Variants in ADGRV1 observed in about 807,000 individuals in gnomAD.
ADGRV1 encodes adhesion G protein-coupled receptor V1.
In ADGRV1, 359 loss-of-function variants were observed where a neutral mutation model predicts 596.2. The ratio of observed to expected loss-of-function variants is 0.60; its 90% confidence interval spans 0.55 to 0.66. ADGRV1 has a LOEUF of 0.66. Ranked by LOEUF, ADGRV1 falls within the 30% of genes least tolerant of loss-of-function variation. The pLI, the probability that ADGRV1 is intolerant of heterozygous loss-of-function variation, is 0.00. For missense variants in ADGRV1, 7,274 were observed against 7,575.6 expected (o/e 0.96, Z 1.48); for synonymous variants, 2,681 against 2,679.2 (o/e 1.00, Z -0.02).
At chr5:90,681,830 G>A (rs150070139) in intron 27 of ADGRV1, among the ~76,000 whole-genome samples, 5 of 54,862 alleles carry the variant, frequency 9.1e-5, no homozygotes, top group East Asian at 9.3e-4. Context: ...CCCTCACTCC[G>A]TCCCTCCCTC....
In ADGRV1 at chr5:90,778,853, C is replaced by A. The variant is rs367553508; in HGVS notation, c.12850-12C>A. The A allele has an allele frequency of 6.3e-7, 1 of 1,589,598 alleles. No homozygotes were observed. On this transcript the variant is annotated splice_polypyrimidine_tract_variant and intron_variant, in intron 63 of 89. Coordinates refer to ENST00000405460, the MANE Select transcript of ADGRV1 (RefSeq NM_032119.4). ...AACATCCAAATCAAATAAGAAAATGCATTTTGCATAGGTTAACATCACAAT... is the reference window on the plus strand; with the variant it reads ...AACATCCAAATCAAATAAGAAAATGAATTTTGCATAGGTTAACATCACAAT...
intron 1 of ADGRV1, among the ~76,000 whole-genome samples, chr5:90,599,269 A>T (rs1243615849): frequency 1.3e-5 from 2 of 152,194 alleles, no homozygotes; most frequent in East Asian, 1.9e-4. Flanking sequence ...CTTATTTAAA[A>T]TTTTAAATAA....
chr5:90,890,785 T>C (rs150378098), intron 83 of ADGRV1, among the ~76,000 whole-genome samples: 2 of 152,300 alleles, frequency 1.3e-5, no homozygotes, highest in East Asian at 1.9e-4. Context: ...TAACAACTTA[T>C]ATTTCTATCA....
Position 91,134,985 on chromosome 5 carries a change from T to C in ADGRV1, c.18433-15045T>C, listed in dbSNP as rs185507006. On this transcript the variant is annotated intron_variant, in intron 87 of 89. Coordinates refer to ENST00000405460, the MANE Select transcript of ADGRV1 (RefSeq NM_032119.4). ...TCACTTGAGGTCAGGAGTTTGAGACTAGCCTGGCCAACATGGTGAAACCCC... is the reference window on the plus strand; with the variant it reads ...TCACTTGAGGTCAGGAGTTTGAGACCAGCCTGGCCAACATGGTGAAACCCC... Among the ~76,000 whole-genome samples, 14 of 152,016 alleles carry C rather than the reference T, an allele frequency of 9.2e-5. No individual in the cohort carries two copies. In the East Asian group the frequency reaches 2.7e-3, roughly 29 times the overall value.
intron 19 of ADGRV1, among the ~76,000 whole-genome samples, chr5:90,652,884 T>C (rs569421334): frequency 6.6e-6 from 1 of 152,338 alleles, no homozygotes; most frequent in East Asian, 1.9e-4. Flanking sequence ...GGATTCATGG[T>C]AGCTTAAAGC....
At chr5:91,054,321 C>G (rs577810812) in intron 85 of ADGRV1, among the ~76,000 whole-genome samples, 16 of 152,040 alleles carry the variant, frequency 1.1e-4, no homozygotes, top group East Asian at 1.9e-4. Context: ...CTTTTTTAGG[C>G]ACATCAGTTA....
chr5:90,583,038 A>G (rs1226558168), intron 1 of ADGRV1, among the ~76,000 whole-genome samples: 3 of 152,232 alleles, frequency 2.0e-5, no homozygotes, highest in Admixed American at 2.0e-4. Flanking sequence ...TACCAAAAGT[A>G]TAAATAATTG....
chr5:90,885,938 C>T (rs909492902), intron 83 of ADGRV1, among the ~76,000 whole-genome samples: 1 of 151,830 alleles, frequency 6.6e-6, no homozygotes, highest in African/African-American at 2.4e-5. Context: ...TGCTCATTAC[C>T]CACTCCCAGT....
intron 85 of ADGRV1, among the ~76,000 whole-genome samples, chr5:91,015,873 G>A (rs1156269959): frequency 6.6e-6 from 1 of 151,820 alleles, no homozygotes; most frequent in Non-Finnish European, 1.5e-5. Flanking sequence ...TACATTCAAG[G>A]TTATTATTGA....
At chr5:90,648,528 T>A (rs1470190300) in intron 17 of ADGRV1, among the ~76,000 whole-genome samples, 1 of 152,218 alleles carries the variant, frequency 6.6e-6, no homozygotes, top group Non-Finnish European at 1.5e-5. Flanking sequence ...CGGGTCACCA[T>A]GATGCCCTGT....
At chr5:90,714,829 G>A (rs1749874859) in intron 42 of ADGRV1, among the ~76,000 whole-genome samples, 1 of 151,796 alleles carries the variant, frequency 6.6e-6, no homozygotes, top group Non-Finnish European at 1.5e-5. Context: ...TGTGCTAATA[G>A]CATACTGCTT....
intron 83 of ADGRV1, among the ~76,000 whole-genome samples, chr5:90,913,834 A>G (rs1773114146): frequency 6.6e-6 from 1 of 152,210 alleles, no homozygotes; most frequent in African/African-American, 2.4e-5. Flanking sequence ...TGTTTGCTTT[A>G]TTTAAAAATA....
intron 34 of ADGRV1, among the ~76,000 whole-genome samples, chr5:90,700,786 A>G (rs1747812020): frequency 6.6e-6 from 1 of 152,128 alleles, no homozygotes; most frequent in Non-Finnish European, 1.5e-5. Context: ...CACATTATTC[A>G]TATTCCTATA....
chr5:91,148,726 A>G (rs935062098), intron 87 of ADGRV1, among the ~76,000 whole-genome samples: 2 of 152,134 alleles, frequency 1.3e-5, no homozygotes, highest in Non-Finnish European at 2.9e-5. Context: ...AGAATGGTTT[A>G]TCCACAAACA....
chr5:90,818,474 G>A (rs1476456484), intron 75 of ADGRV1, among the ~76,000 whole-genome samples: 1 of 150,096 alleles, frequency 6.7e-6, no homozygotes, highest in Non-Finnish European at 1.5e-5. Flanking sequence ...GGTGAGAGAG[G>A]GCATCCCTGT....
chr5:91,126,198 T>G (rs1394599851), intron 87 of ADGRV1, among the ~76,000 whole-genome samples: 1 of 152,234 alleles, frequency 6.6e-6, no homozygotes, highest in African/African-American at 2.4e-5. Flanking sequence ...AGTAAATTCT[T>G]GTTGAATTAA....
intron 20 of ADGRV1, among the ~76,000 whole-genome samples, chr5:90,657,686 A>G (rs1387768335): frequency 6.6e-6 from 1 of 152,166 alleles, no homozygotes; most frequent in African/African-American, 2.4e-5. Flanking sequence ...GATAGTTACC[A>G]ATTCTTTTAG....
At chr5:90,871,279 T>C (rs1056239502) in intron 83 of ADGRV1, among the ~76,000 whole-genome samples, 2 of 152,128 alleles carry the variant, frequency 1.3e-5, no homozygotes, top group African/African-American at 4.8e-5. Context: ...AAAAATATTA[T>C]TTTATTTTTG....
intron 86 of ADGRV1, among the ~76,000 whole-genome samples, chr5:91,090,900 T>C (rs1396966279): frequency 6.6e-6 from 1 of 152,104 alleles, no homozygotes; most frequent in Admixed American, 6.6e-5. Flanking sequence ...GTAGAGTGGA[T>C]GGGATAGGAT....
Sources: allele counts gnomAD v4.1 joint callset (sites outside exome capture counted in the v4.1 genomes callset), GRCh38; gene constraint gnomAD v4.1.1; transcripts MANE v1.5; gene names NCBI Gene and HGNC (gene_info 2026-07-23, HGNC 2026-07-21).